The following KIF6 variants were observed in gnomAD, a reference collection of about 807,000 sequenced individuals.
KIF6 encodes the protein kinesin family member 6, also known as kinesin-like protein KIF6.
Under a neutral mutation model 112.7 loss-of-function variants are expected in KIF6, and 106 were observed. The ratio of observed to expected loss-of-function variants is 0.94; its 90% CI spans 0.80 to 1.11. The LOEUF (loss-of-function observed/expected upper bound fraction) is 1.11. KIF6 is among the 50% of genes least tolerant of loss of function. The pLI is 0.00. For synonymous variants in KIF6, 339 were observed against 339.9 expected (o/e 1.00, Z 0.03); for missense variants, 929 against 964.0 (o/e 0.96, Z 0.48).
intron 3 of KIF6, among the ~76,000 whole-genome samples, chr6:39,686,861 T>C (rs1582450152): frequency 6.6e-6 from 1 of 152,208 alleles, no homozygotes; most frequent in Admixed American, 6.5e-5. Flanking sequence ...AGCTAGTGTA[T>C]ACCTGAGACT....
intron 21 of KIF6, among the ~76,000 whole-genome samples, chr6:39,344,949 T>A (rs1236409537): frequency 6.6e-6 from 1 of 152,206 alleles, no homozygotes; most frequent in Non-Finnish European, 1.5e-5. Flanking sequence ...AGAAGTGTTG[T>A]GTGGGAATCT....
At chr6:39,658,357 T>C (rs1262298559) in intron 3 of KIF6, among the ~76,000 whole-genome samples, 2 of 152,188 alleles carry the variant, frequency 1.3e-5, no homozygotes, top group Non-Finnish European at 2.9e-5. Context: ...AAAATTGCTA[T>C]GCATTTTCGG....
At chr6:39,414,863 T>G (rs971186988) in intron 15 of KIF6, among the ~76,000 whole-genome samples, 13 of 152,068 alleles carry the variant, frequency 8.5e-5, no homozygotes, top group Non-Finnish European at 1.3e-4. Flanking sequence ...GTCTGGCCAC[T>G]TACAAAGGCC....
At chr6:39,461,322 A>G (rs1398831246) in intron 13 of KIF6, among the ~76,000 whole-genome samples, 1 of 152,176 alleles carries the variant, frequency 6.6e-6, no homozygotes, top group Admixed American at 6.5e-5. Context: ...AGCAGGTAAC[A>G]CAGGCAATAC....
chr6:39,634,789 A>G (rs1784537020), intron 5 of KIF6, 60 bp downstream of exon 5: 5 of 975,282 alleles, frequency 5.1e-6, no homozygotes, highest in Non-Finnish European at 6.7e-6. Context: ...TTCAAAGAAA[A>G]CAATTGAAGA....
intron 10 of KIF6, among the ~76,000 whole-genome samples, chr6:39,563,316 T>C (rs554539410): frequency 2.2e-4 from 34 of 152,306 alleles, no homozygotes; most frequent in Middle Eastern, 3.4e-3. Flanking sequence ...ACTTTAGGCG[T>C]TTATCTTTCC....
chr6:39,641,438 G>C (rs1784892464), intron 3 of KIF6, among the ~76,000 whole-genome samples: 1 of 151,442 alleles, frequency 6.6e-6, no homozygotes, highest in South Asian at 2.1e-4. Flanking sequence ...GGTGGGAATT[G>C]AACATGAGAA....
chr6:39,525,437 T>A (rs778593928), intron 13 of KIF6, among the ~76,000 whole-genome samples: 6 of 152,186 alleles, frequency 3.9e-5, no homozygotes, highest in Non-Finnish European at 8.8e-5. Context: ...TTCATCCTAG[T>A]TTATAGACAC....
At chr6:39,530,303 G>C (rs544431242) in intron 13 of KIF6, among the ~76,000 whole-genome samples, 3 of 152,354 alleles carry the variant, frequency 2.0e-5, no homozygotes, top group African/African-American at 7.2e-5. Flanking sequence ...GTATCTCAAA[G>C]AGTTAAAGGA....
intron 13 of KIF6, among the ~76,000 whole-genome samples, chr6:39,535,529 T>C (rs188204759): frequency 1.3e-5 from 2 of 152,210 alleles, no homozygotes; most frequent in Non-Finnish European, 2.9e-5. Flanking sequence ...TAAATATATA[T>C]GCAACCAATA....
At chr6:39,674,340 G>A (rs578041535) in intron 3 of KIF6, among the ~76,000 whole-genome samples, 33 of 152,290 alleles carry the variant, frequency 2.2e-4, no homozygotes, top group Admixed American at 3.9e-4. Context: ...TAGATCAGTC[G>A]TGTAGAAGTT....
At chr6:39,657,110 G>A (rs1785839658) in intron 3 of KIF6, among the ~76,000 whole-genome samples, 1 of 151,932 alleles carries the variant, frequency 6.6e-6, no homozygotes, top group Non-Finnish European at 1.5e-5. Flanking sequence ...GTGCGTGCCT[G>A]TAATCCCAGC....
At chr6:39,592,652 T>C (rs1005337915) in intron 7 of KIF6, among the ~76,000 whole-genome samples, 7 of 152,220 alleles carry the variant, frequency 4.6e-5, no homozygotes, top group Non-Finnish European at 7.3e-5. Context: ...GTCTCCCTTT[T>C]CCTCCCATGA....
chr6:39,379,544 C>T (rs554742806), intron 16 of KIF6, among the ~76,000 whole-genome samples: 1 of 152,142 alleles, frequency 6.6e-6, no homozygotes, highest in African/African-American at 2.4e-5. Flanking sequence ...TAACAGAGAC[C>T]CATGAGGCGG....
At chr6:39,426,692 A>G (rs767378863) in intron 14 of KIF6, among the ~76,000 whole-genome samples, 14 of 152,114 alleles carry the variant, frequency 9.2e-5, no homozygotes, top group Non-Finnish European at 1.9e-4. Context: ...TTGAGGCTGC[A>G]GTAAGCCATG....
chr6:39,502,917 C>T (rs2150495231), intron 13 of KIF6, among the ~76,000 whole-genome samples: 1 of 152,070 alleles, frequency 6.6e-6, no homozygotes, highest in Middle Eastern at 3.4e-3. Flanking sequence ...ACCCCGCTGA[C>T]AATATTAGAT....
chr6:39,545,893 T>A (rs1779045508), intron 10 of KIF6, among the ~76,000 whole-genome samples: 1 of 152,224 alleles, frequency 6.6e-6, no homozygotes, highest in African/African-American at 2.4e-5. Flanking sequence ...TAATTTCCAG[T>A]GAATTTTCTT....
intron 15 of KIF6, among the ~76,000 whole-genome samples, chr6:39,418,551 A>G (rs1054245799): frequency 1.3e-5 from 2 of 152,222 alleles, no homozygotes; most frequent in African/African-American, 2.4e-5. Context: ...GTGATATGAC[A>G]TGCAGGCCTC....
chr6:39,397,581 C>T (rs1386563964), intron 15 of KIF6, among the ~76,000 whole-genome samples: 1 of 152,146 alleles, frequency 6.6e-6, no homozygotes, highest in African/African-American at 2.4e-5. Flanking sequence ...GTACGCATGG[C>T]TCTGTTTCTT....
Sources: gnomAD v4.1 joint callset for allele counts (sites outside exome capture counted in the v4.1 genomes callset) on GRCh38, gnomAD v4.1.1 for gene constraint, MANE v1.5 for transcripts, NCBI Gene and HGNC (gene_info 2026-07-23, HGNC 2026-07-21) for gene names.